AIMP1: variants seen among roughly 807,000 people sequenced by gnomAD.
AIMP1 encodes the protein aminoacyl tRNA synthase complex-interacting multifunctional protein 1.
A neutral mutation model predicts 33.1 loss-of-function variants in AIMP1; 24 were observed. The ratio of observed to expected loss-of-function variants is 0.73; its 90% CI spans 0.53 to 1.02. The LOEUF (loss-of-function observed/expected upper bound fraction) is 1.02. AIMP1 is among the 50% of genes least tolerant of loss of function. AIMP1 has a pLI of 0.00. For missense variants in AIMP1, 367 were observed against 364.8 expected (o/e 1.01, Z -0.05); for synonymous variants, 120 against 121.5 (o/e 0.99, Z 0.08).
At position 106,348,978 on chromosome 4, in the gene AIMP1, A is replaced by T. The variant is rs1055978809; in HGVS notation, c.*1286A>T. ...GAGGCACACACAAATACACACACTCACACAAAACTCAACAACCATAAAACA... is the reference window on the plus strand; with the variant it reads ...GAGGCACACACAAATACACACACTCTCACAAAACTCAACAACCATAAAACA... On this transcript the variant is annotated 3_prime_UTR_variant, in exon 7 of 7. Coordinates refer to ENST00000672341, the MANE Select transcript of AIMP1 (RefSeq NM_001142416.2). 3.9e-5 allele frequency: 6 copies of T among 152,150 alleles called. No individual in the cohort carries two copies. The highest frequency in any genetic ancestry group is 1.4e-4 in the African/African-American group (6 of 41,432). 9.4% of individuals were successfully genotyped at this position (152,150 alleles called of 1,614,324 possible).
intron 1 of AIMP1, 108 bp from the exon 2 acceptor site, chr4:106,324,877 C>T (rs1170374385): frequency 4.7e-6 from 4 of 856,362 alleles, no homozygotes; most frequent in Non-Finnish European, 6.6e-6. Context: ...AGATATTTAT[C>T]TATTACAGTA....
At position 106,325,080 on chromosome 4, in the gene AIMP1, A is replaced by T. The variant is rs369840696; in HGVS notation, c.71A>T (p.Tyr24Phe). Residue 24 changes from tyrosine (Y) to phenylalanine (F), a missense_variant, in exon 2 of 7, where the codon TAT becomes TTT. By Grantham distance (22) the Tyr-to-Phe change is conservative. Coordinates refer to ENST00000672341, the MANE Select transcript of AIMP1 (RefSeq NM_001142416.2). ...KGAEADQIIEYLKQQVSLLKE... is the reference protein window; with the variant it reads ...KGAEADQIIEFLKQQVSLLKE... Reference sequence around the variant, plus strand: ...GCAGAGGCAGATCAAATCATTGAATATCTTAAGCAGCAAGTTTCTCTACTT... The same window carrying T: ...GCAGAGGCAGATCAAATCATTGAATTTCTTAAGCAGCAAGTTTCTCTACTT... The T allele has an allele frequency of 1.4e-5, 22 of 1,612,952 alleles. No individual in the cohort carries two copies. The African/African-American group carries it at 2.4e-4, about 18-fold the overall frequency.
At chr4:106,316,386 G>C (rs1284954234), upstream of AIMP1, 23 of 680,066 alleles carry the variant, frequency 3.4e-5, no homozygotes, top group Non-Finnish European at 5.7e-5. Context: ...TACTGGGTGA[G>C]GGAATGGAAG....
chr4:106,341,439 C>A (rs184274034), intron 6 of AIMP1, among the ~76,000 whole-genome samples: 2 of 152,100 alleles, frequency 1.3e-5, no homozygotes, highest in Non-Finnish European at 2.9e-5. Context: ...ATATTTAATT[C>A]TTTAATCCAT....
chr4:106,316,594 T>C lies in AIMP1; in HGVS notation c.-26T>C. On this transcript the variant is annotated splice_region_variant and 5_prime_UTR_variant, in exon 1 of 7. An upstream start codon of the reference 5' UTR is lost. Coordinates refer to ENST00000672341, the MANE Select transcript of AIMP1 (RefSeq NM_001142416.2). ...TCGGAACCCGTGGTCCTCCGCTTCA[T>C]GTGAGTGACGTCGTGGCGGGTCACT... 7.7e-6 allele frequency: 12 copies of C among 1,551,506 alleles called. No individual in the cohort carries two copies. Among genetic ancestry groups the C allele is most frequent in the South Asian group, 2.4e-5 (2 of 84,052 alleles).
chr4:106,337,753 G>A (rs1769946278), intron 6 of AIMP1, among the ~76,000 whole-genome samples: 1 of 152,166 alleles, frequency 6.6e-6, no homozygotes, highest in African/African-American at 2.4e-5. Context: ...AGGAAAATGT[G>A]GAACAGTTTG....
At chr4:106,319,117 T>A (rs1488848108) in intron 1 of AIMP1, among the ~76,000 whole-genome samples, 2 of 152,214 alleles carry the variant, frequency 1.3e-5, no homozygotes, top group Non-Finnish European at 2.9e-5. Context: ...AGAGACACTT[T>A]CAAATTTGTG....
At chr4:106,337,909 A>G (rs930900383) in intron 6 of AIMP1, among the ~76,000 whole-genome samples, 2 of 152,190 alleles carry the variant, frequency 1.3e-5, no homozygotes, top group Non-Finnish European at 2.9e-5. Flanking sequence ...TCAGATAGAG[A>G]TGAGGAGCTT....
At chr4:106,338,386 C>T (rs1316846221) in intron 6 of AIMP1, among the ~76,000 whole-genome samples, 1 of 152,178 alleles carries the variant, frequency 6.6e-6, no homozygotes, top group Non-Finnish European at 1.5e-5. Flanking sequence ...GCCCAGGGCC[C>T]CCGTGCTGTG....
chr4:106,332,627 A>G (rs1769724162), intron 5 of AIMP1, among the ~76,000 whole-genome samples: 1 of 148,688 alleles, frequency 6.7e-6, no homozygotes, highest in South Asian at 2.1e-4. Flanking sequence ...ATATATATAT[A>G]TATACATATA....
At chr4:106,320,678 G>A (rs752706418) in intron 1 of AIMP1, among the ~76,000 whole-genome samples, 1 of 151,994 alleles carries the variant, frequency 6.6e-6, no homozygotes, top group Non-Finnish European at 1.5e-5. Context: ...AAGGAGCCCT[G>A]AAAGGAGGTG....
intron 6 of AIMP1, among the ~76,000 whole-genome samples, chr4:106,343,986 G>A (rs112090135): frequency 0.021 from 3,154 of 152,128 alleles, 35 homozygotes; most frequent in Middle Eastern, 0.088. Context: ...ATTTTAATCA[G>A]GTTTCTTTCC....
chr4:106,326,782 A>T (rs1769467581), intron 2 of AIMP1, among the ~76,000 whole-genome samples: 4 of 151,820 alleles, frequency 2.6e-5, no homozygotes, highest in Non-Finnish European at 1.5e-5. Flanking sequence ...TTTTATTTTT[A>T]AAAATTTTTT....
intron 5 of AIMP1, among the ~76,000 whole-genome samples, chr4:106,335,699 C>CTA (rs755440385): frequency 5.3e-5 from 8 of 152,006 alleles, no homozygotes; most frequent in Non-Finnish European, 1.0e-4. Context: ...TGAAGACCCC[C>CTA]TAATTCATTT....
intron 6 of AIMP1, among the ~76,000 whole-genome samples, chr4:106,343,552 CTG>C (rs1770182869): frequency 1.3e-5 from 2 of 152,134 alleles, no homozygotes; most frequent in Non-Finnish European, 2.9e-5. Flanking sequence ...TTGAATGAAT[CTG>C]TGTCTTGAAC....
intron 4 of AIMP1, among the ~76,000 whole-genome samples, chr4:106,331,210 C>T (rs1401428502): frequency 6.6e-6 from 1 of 152,104 alleles, no homozygotes; most frequent in Non-Finnish European, 1.5e-5. Context: ...GTATTTATCA[C>T]CTTCCAAAGA....
chr4:106,327,702 A>G, intron 3 of AIMP1, 138 bp downstream of exon 3: 1 of 650,100 alleles, frequency 1.5e-6, no homozygotes, highest in East Asian at 2.9e-5. Context: ...AGATTTATCA[A>G]TAAAATGGGG....
At chr4:106,329,508 A>G (rs1769585869) in intron 4 of AIMP1, among the ~76,000 whole-genome samples, 1 of 152,210 alleles carries the variant, frequency 6.6e-6, no homozygotes. Flanking sequence ...GAAGTACTCT[A>G]TATCTGCATT....
At chr4:106,347,235 TTA>T (rs1158483329) in intron 6 of AIMP1, among the ~76,000 whole-genome samples, 1 of 152,130 alleles carries the variant, frequency 6.6e-6, no homozygotes, top group Non-Finnish European at 1.5e-5. Flanking sequence ...ACCTTACATT[TTA>T]TTATTTTGAT....
Sources: allele counts gnomAD v4.1 joint callset (sites outside exome capture counted in the v4.1 genomes callset), GRCh38; gene constraint gnomAD v4.1.1; transcripts MANE v1.5; gene names NCBI Gene and HGNC (gene_info 2026-07-23, HGNC 2026-07-21).